Variants in CAMK2B observed in about 807,000 individuals in gnomAD.
The protein encoded by CAMK2B is calcium/calmodulin-dependent protein kinase type II subunit beta.
CAMK2B carries 27 observed loss-of-function variants against 93.7 expected under a neutral mutation model. That is an observed-to-expected ratio of 0.29 (90% CI 0.21 to 0.40). The LOEUF is 0.40. CAMK2B is among the 10% of genes least tolerant of loss of function. CAMK2B has a pLI of 1.00. For synonymous variants in CAMK2B, 374 were observed against 358.8 expected (o/e 1.04, Z -0.48); for missense variants, 568 against 895.8 (o/e 0.63, Z 4.67).
chr7:44,316,029 A>G (rs904321053), intron 1 of CAMK2B, among the ~76,000 whole-genome samples: 1 of 152,174 alleles, frequency 6.6e-6, no homozygotes, highest in Non-Finnish European at 1.5e-5. Context: ...ATTTATTTCC[A>G]ATCTGGGAGC....
chr7:44,221,936 T>G (rs2096412879), intron 20 of CAMK2B, among the ~76,000 whole-genome samples: 1 of 152,214 alleles, frequency 6.6e-6, no homozygotes, highest in African/African-American at 2.4e-5. Context: ...TTTAAAGAAA[T>G]AAAGCACCGC....
chr7:44,228,769 G>A, intron 19 of CAMK2B, 27 bp downstream of exon 19: 4 of 1,443,334 alleles, frequency 2.8e-6, no homozygotes, highest in Non-Finnish European at 3.6e-6. Flanking sequence ...GGCAGCAGAG[G>A]CGGCAGGCCT....
intron 1 of CAMK2B, among the ~76,000 whole-genome samples, chr7:44,292,387 G>T (rs1049815095): frequency 1.3e-5 from 2 of 152,184 alleles, no homozygotes; most frequent in African/African-American, 4.8e-5. Flanking sequence ...GAATTCTGGG[G>T]GATGCAGTTC....
At chr7:44,308,098 T>G (rs1278737245) in intron 1 of CAMK2B, among the ~76,000 whole-genome samples, 1 of 152,214 alleles carries the variant, frequency 6.6e-6, no homozygotes, top group East Asian at 1.9e-4. Flanking sequence ...TGCTGTGGCC[T>G]CACCCACACG....
At chr7:44,302,717 T>C (rs1039815019) in intron 1 of CAMK2B, among the ~76,000 whole-genome samples, 14 of 152,174 alleles carry the variant, frequency 9.2e-5, no homozygotes, top group African/African-American at 3.4e-4. Context: ...GTTTCATGAT[T>C]AAAAACTCTC....
intron 13 of CAMK2B, among the ~76,000 whole-genome samples, chr7:44,239,128 G>T (rs1038497100): frequency 2.0e-5 from 3 of 152,108 alleles, no homozygotes; most frequent in African/African-American, 7.2e-5. Context: ...GCATGTGTAG[G>T]ACTCAGCAGC....
At chr7:44,227,826 GCAGAGTTTGGGGAGGAAAATGGAAAT>G (rs2096533127) in intron 19 of CAMK2B, among the ~76,000 whole-genome samples, 1 of 123,816 alleles carries the variant, frequency 8.1e-6, no homozygotes, top group Non-Finnish European at 1.7e-5. Flanking sequence ...GAGGGGCAGA[GCAGAGTTTGGGGAGGAAAATGGAAAT>G]GAGGGAAAGA....
intron 6 of CAMK2B, among the ~76,000 whole-genome samples, chr7:44,245,361 C>T (rs1223574677): frequency 1.3e-5 from 2 of 152,186 alleles, no homozygotes; most frequent in Non-Finnish European, 2.9e-5. Flanking sequence ...TGGGCTGTCA[C>T]GATCAAGATG....
intron 1 of CAMK2B, among the ~76,000 whole-genome samples, chr7:44,313,585 A>G (rs1246317922): frequency 2.0e-5 from 3 of 151,476 alleles, no homozygotes; most frequent in African/African-American, 7.3e-5. Context: ...TCCTAGTCAC[A>G]GCGGAACCCT....
At chr7:44,235,485 C>T (rs554112153) in intron 13 of CAMK2B, among the ~76,000 whole-genome samples, 2 of 152,058 alleles carry the variant, frequency 1.3e-5, no homozygotes, top group East Asian at 3.9e-4. Flanking sequence ...ATTTTAATTA[C>T]AGAACTAAAA....
At chr7:44,288,218 C>T (rs1037264057) in intron 1 of CAMK2B, among the ~76,000 whole-genome samples, 2 of 152,250 alleles carry the variant, frequency 1.3e-5, no homozygotes, top group African/African-American at 2.4e-5. Context: ...TTAGGCTCCC[C>T]GCCTCTCCAC....
In CAMK2B at chr7:44,261,675, ATAGT is replaced by A. The variant is rs551746529; in HGVS notation, c.220+1326_220+1329del. Among the ~76,000 whole-genome samples, 814 of 152,382 alleles carry A rather than the reference ATAGT, an allele frequency of 5.3e-3. 6 individuals carry two copies. Among genetic ancestry groups the A allele is most frequent in the South Asian group, 0.021 (102 of 4,832 alleles). On this transcript the variant is annotated intron_variant, in intron 3 of 23. Coordinates refer to ENST00000395749, the MANE Select transcript of CAMK2B (RefSeq NM_001220.5). ...AAAAAACATTTTTAACTTTTTAAAA[ATAGT>A]TATATACTTATTTAATGGTTTAAAA... is the stretch of plus-strand genomic sequence containing the variant.
intron 13 of CAMK2B, among the ~76,000 whole-genome samples, chr7:44,235,226 T>C (rs2096614681): frequency 6.6e-6 from 1 of 152,220 alleles, no homozygotes; most frequent in Non-Finnish European, 1.5e-5. Context: ...CTCAGAGGTC[T>C]GTCCCATTGG....
In CAMK2B at chr7:44,325,440, C is replaced by G. The variant is rs376227980; in HGVS notation, c.-19G>C. The G allele has an allele frequency of 1.2e-5, 13 of 1,110,438 alleles. No homozygotes were observed. In the South Asian group the frequency reaches 3.1e-4, roughly 26 times the overall value. The allele number at this position is 1,110,438 out of a possible 1,614,324, so 68.8% of individuals were successfully genotyped here. ...TGGCCATGGCGGCGGCGGACGGGCTCGGCGTGCGCTCGGCTGCGCTCGGGC... is the reference window on the plus strand; with the variant it reads ...TGGCCATGGCGGCGGCGGACGGGCTGGGCGTGCGCTCGGCTGCGCTCGGGC... On this transcript the variant is annotated 5_prime_UTR_variant, in exon 1 of 24. Coordinates refer to ENST00000395749, the MANE Select transcript of CAMK2B (RefSeq NM_001220.5).
chr7:44,288,097 G>T (rs1785639328), intron 1 of CAMK2B, among the ~76,000 whole-genome samples: 1 of 152,172 alleles, frequency 6.6e-6, no homozygotes, highest in Non-Finnish European at 1.5e-5. Flanking sequence ...CAGCAGGAGG[G>T]GAGACCCACC....
intron 5 of CAMK2B, among the ~76,000 whole-genome samples, chr7:44,251,282 C>T (rs1309874459): frequency 6.6e-6 from 1 of 152,232 alleles, no homozygotes; most frequent in Non-Finnish European, 1.5e-5. Context: ...AAGCTCCCTC[C>T]TTTGCTATAG....
chr7:44,242,078 C>G, intron 10 of CAMK2B, 140 bp downstream of exon 10: 2 of 992,476 alleles, frequency 2.0e-6, no homozygotes, highest in South Asian at 3.3e-5. Context: ...AAGCCAGAGG[C>G]CACAAGGAGC....
intron 1 of CAMK2B, among the ~76,000 whole-genome samples, chr7:44,319,574 C>T (rs910023192): frequency 1.3e-5 from 2 of 152,106 alleles, no homozygotes; most frequent in South Asian, 2.1e-4. Flanking sequence ...GGCCTTTGAC[C>T]GCGGCAGGAG....
At chr7:44,247,340 G>C (rs1418821246) in intron 5 of CAMK2B, 148 bp from the exon 6 acceptor site, 1 of 685,680 alleles carries the variant, frequency 1.5e-6, no homozygotes. Context: ...GCCAGGAGGG[G>C]CCTCTGGGGC....
Sources: allele counts gnomAD v4.1 joint callset (sites outside exome capture counted in the v4.1 genomes callset), GRCh38; gene constraint gnomAD v4.1.1; transcripts MANE v1.5; gene names NCBI Gene and HGNC (gene_info 2026-07-23, HGNC 2026-07-21).